HSPA12A: variants seen among roughly 807,000 people sequenced by gnomAD.
HSPA12A encodes the protein heat shock 70 kDa protein 12A.
Under a neutral mutation model 69.2 loss-of-function variants are expected in HSPA12A, and 28 were observed. The observed-to-expected ratio is 0.40, with a 90% CI of 0.30 to 0.55. The LOEUF (loss-of-function observed/expected upper bound fraction) is 0.55. Ranked by LOEUF, HSPA12A falls within the 20% of genes least tolerant of loss-of-function variation. HSPA12A has a pLI of 0.38. For missense variants in HSPA12A, 686 were observed against 900.7 expected, an observed-to-expected ratio of 0.76 and a Z score of 3.05; for synonymous variants, 345 against 370.5, an observed-to-expected ratio of 0.93 and a Z score of 0.79.
At chr10:116,845,291 G>C (rs1314142339) in intron 1 of HSPA12A, among the ~76,000 whole-genome samples, 1 of 152,162 alleles carries the variant, frequency 6.6e-6, no homozygotes, top group Non-Finnish European at 1.5e-5. Flanking sequence ...GCTGAATTTT[G>C]TTATTGTTGT....
At chr10:116,695,661 A>T (rs1429329953) in intron 5 of HSPA12A, among the ~76,000 whole-genome samples, 1 of 151,874 alleles carries the variant, frequency 6.6e-6, no homozygotes, top group African/African-American at 2.4e-5. Context: ...CTAAAAATAC[A>T]AAAAATTAGC....
At chr10:116,843,219 G>A (rs527951892) in intron 1 of HSPA12A, among the ~76,000 whole-genome samples, 58 of 152,256 alleles carry the variant, frequency 3.8e-4, no homozygotes, top group Middle Eastern at 3.4e-3. Flanking sequence ...ACAATTTTGC[G>A]CAAATGCTAA....
chr10:116,744,500 C>A (rs1478210201), upstream of HSPA12A, among the ~76,000 whole-genome samples: 1 of 152,214 alleles, frequency 6.6e-6, no homozygotes, highest in Admixed American at 6.5e-5. Context: ...CACGTGCCCT[C>A]ATGGGACTCC....
At chr10:116,753,974 G>C (rs10736258) in intron 2 of HSPA12A, among the ~76,000 whole-genome samples, 112,919 of 152,104 alleles carry the variant, frequency 0.74, 43,840 homozygotes, top group South Asian at 0.86. Flanking sequence ...CCTCATTTCA[G>C]CTTCCCAAGG....
intron 2 of HSPA12A, among the ~76,000 whole-genome samples, chr10:116,797,019 C>G (rs188291366): frequency 8.4e-4 from 128 of 152,284 alleles, no homozygotes; most frequent in Non-Finnish European, 1.6e-3. Context: ...TTCTTGAGGT[C>G]CTCCAAAGAA....
chr10:116,732,639 AT>A (rs1208881552), intron 1 of HSPA12A, among the ~76,000 whole-genome samples: 1 of 152,222 alleles, frequency 6.6e-6, no homozygotes, highest in Non-Finnish European at 1.5e-5. Flanking sequence ...CGGCTCCACC[AT>A]TGCAGAGTGT....
At chr10:116,785,246 G>A (rs1844551480) in intron 2 of HSPA12A, among the ~76,000 whole-genome samples, 1 of 151,942 alleles carries the variant, frequency 6.6e-6, no homozygotes, top group Admixed American at 6.6e-5. Context: ...CTCAGGTAGT[G>A]GGAAGGAGGA....
At chr10:116,717,941 C>G (rs931282645) in intron 1 of HSPA12A, among the ~76,000 whole-genome samples, 1 of 152,168 alleles carries the variant, frequency 6.6e-6, no homozygotes, top group African/African-American at 2.4e-5. Context: ...GTTTGCCCCC[C>G]AAGCTGTCTG....
intron 2 of HSPA12A, among the ~76,000 whole-genome samples, chr10:116,793,612 A>C (rs1435671978): frequency 6.6e-6 from 1 of 152,144 alleles, no homozygotes; most frequent in Admixed American, 6.6e-5. Context: ...CACAGAATTA[A>C]AAGACATCAC....
chr10:116,763,751 C>G (rs571404075), intron 2 of HSPA12A, among the ~76,000 whole-genome samples: 20 of 152,138 alleles, frequency 1.3e-4, no homozygotes, highest in Non-Finnish European at 2.4e-4. Context: ...TTACAAGATT[C>G]AACTGAATTG....
chr10:116,684,570 G>A (rs1849521576), intron 6 of HSPA12A, among the ~76,000 whole-genome samples: 1 of 152,000 alleles, frequency 6.6e-6, no homozygotes. Context: ...TTTGCCTACT[G>A]GGGGTGACAG....
chr10:116,744,729 G>T (rs1415026939), upstream of HSPA12A, among the ~76,000 whole-genome samples: 1 of 152,250 alleles, frequency 6.6e-6, no homozygotes, highest in East Asian at 1.9e-4. Context: ...GGCTGTTGTG[G>T]TCTCACCTAG....
chr10:116,809,587 G>GC (rs1845134313), intron 2 of HSPA12A, among the ~76,000 whole-genome samples: 1 of 152,188 alleles, frequency 6.6e-6, no homozygotes, highest in South Asian at 2.1e-4. Context: ...CAGCAATACT[G>GC]CCGCTGCTGC....
rs1851167451 is a variant in HSPA12A at position 116,732,035 on chromosome 10, GAAGT to G, written c.40+10391_40+10394del. 2.0e-5 allele frequency among the ~76,000 whole-genome samples: 3 copies of G among 152,058 alleles called. No individual in the cohort carries two copies. In the South Asian group the frequency reaches 6.2e-4, roughly 32 times the overall value. ...GGTGGGTGACATGCAGAGCAAAGCAGAAGTAAGAGACAGGGCCAGGGGTGGTGGC... is the reference window on the plus strand; with the variant it reads ...GGTGGGTGACATGCAGAGCAAAGCAGAAGAGACAGGGCCAGGGGTGGTGGC... On this transcript the variant is annotated intron_variant, in intron 1 of 11. Transcript: ENST00000369209.
chr10:116,735,023 A>T (rs1380077971), intron 1 of HSPA12A, among the ~76,000 whole-genome samples: 1 of 152,194 alleles, frequency 6.6e-6, no homozygotes, highest in Non-Finnish European at 1.5e-5. Flanking sequence ...GTTCATCCTG[A>T]TCTGTCAAAG....
intron 2 of HSPA12A, among the ~76,000 whole-genome samples, chr10:116,756,381 C>A (rs1843850768): frequency 6.6e-6 from 1 of 152,252 alleles, no homozygotes; most frequent in Non-Finnish European, 1.5e-5. Flanking sequence ...ACAGCTCCAG[C>A]AAATACTTGA....
In HSPA12A at chr10:116,761,213, C is replaced by A. The variant is rs543610211; in HGVS notation, c.92-53928G>T. ...AAAAATACAAACATTAGGCTGGGAG[C>A]GGTGGCTCATGCCTGTAATCCCAGC... On this transcript the variant is annotated intron_variant, in intron 2 of 12. Transcript: ENST00000635765. 1.3e-4 allele frequency among the ~76,000 whole-genome samples: 19 copies of A among 151,844 alleles called. No homozygotes were observed. The East Asian group carries it at 1.6e-3, about 12-fold the overall frequency.
chr10:116,824,541 A>G (rs1433473192), intron 2 of HSPA12A, among the ~76,000 whole-genome samples: 1 of 152,252 alleles, frequency 6.6e-6, no homozygotes, highest in Non-Finnish European at 1.5e-5. Context: ...TTCTATCCAT[A>G]CAATGGAATA....
chr10:116,777,064 G>A (rs954579585), intron 2 of HSPA12A, among the ~76,000 whole-genome samples: 5 of 152,204 alleles, frequency 3.3e-5, no homozygotes, highest in Non-Finnish European at 5.9e-5. Flanking sequence ...TGTGTAGCCC[G>A]CTGAATTGTT....
Sources: allele counts gnomAD v4.1 joint callset (sites outside exome capture counted in the v4.1 genomes callset), GRCh38; gene constraint gnomAD v4.1.1; transcripts MANE v1.5; gene names NCBI Gene and HGNC (gene_info 2026-07-23, HGNC 2026-07-21).